Variants in ANXA4 observed in about 807,000 individuals in gnomAD.
The protein encoded by ANXA4 is annexin A4.
Under a neutral mutation model 49.8 loss-of-function variants are expected in ANXA4, and 39 were observed. The ratio of observed to expected loss-of-function variants is 0.78; its 90% confidence interval spans 0.61 to 1.02. The LOEUF is 1.02. Ranked by LOEUF, ANXA4 falls within the 50% of genes least tolerant of loss-of-function variation. The probability of loss-of-function intolerance (pLI) is 0.00; values close to 1 mark genes in which losing one functional copy is unlikely to be tolerated. For missense variants in ANXA4, 360 were observed against 410.1 expected (o/e 0.88, Z 1.05); for synonymous variants, 134 against 152.5 (o/e 0.88, Z 0.89).
chr2:69,774,171 C>T (rs1017602296), intron 1 of ANXA4, among the ~76,000 whole-genome samples: 13 of 152,026 alleles, frequency 8.6e-5, no homozygotes, highest in African/African-American at 1.4e-4. Context: ...AAGACTAGTC[C>T]GTGACTCTCT....
chr2:69,804,390 A>G, intron 3 of ANXA4, 143 bp from the exon 4 acceptor site: 1 of 667,756 alleles, frequency 1.5e-6, no homozygotes, highest in Non-Finnish European at 2.5e-6. Flanking sequence ...TTTCCCAAAA[A>G]GTAGACAAAC....
intron 2 of ANXA4, among the ~76,000 whole-genome samples, chr2:69,782,401 A>C (rs937229344): frequency 6.6e-6 from 1 of 152,190 alleles, no homozygotes; most frequent in Non-Finnish European, 1.5e-5. Flanking sequence ...TTTCTTCATG[A>C]TCTCTGACAG....
intron 8 of ANXA4, 96 bp from the exon 9 acceptor site, chr2:69,816,005 C>T: frequency 1.0e-6 from 1 of 955,420 alleles, no homozygotes; most frequent in Non-Finnish European, 1.6e-6. Context: ...CAAAATAAAA[C>T]TAAGCCAGCT....
At chr2:69,706,728 G>T (rs1261705794) in intron 2 of ANXA4, among the ~76,000 whole-genome samples, 2 of 152,160 alleles carry the variant, frequency 1.3e-5, no homozygotes, top group East Asian at 3.8e-4. Flanking sequence ...ACATTTCATA[G>T]AAATGGAATC....
At chr2:69,715,353 A>G (rs1215178572) in intron 2 of ANXA4, among the ~76,000 whole-genome samples, 2 of 152,132 alleles carry the variant, frequency 1.3e-5, no homozygotes, top group East Asian at 1.9e-4. Flanking sequence ...GATTACAGGT[A>G]CGCACCACCA....
At chr2:69,647,082 G>GC (rs898004091) in intron 1 of ANXA4, among the ~76,000 whole-genome samples, 1 of 152,174 alleles carries the variant, frequency 6.6e-6, no homozygotes, top group Non-Finnish European at 1.5e-5. Context: ...TGCATGTGCT[G>GC]CCCCCCGCTT....
At chr2:69,797,352 C>T (rs1347609558) in intron 3 of ANXA4, among the ~76,000 whole-genome samples, 2 of 152,122 alleles carry the variant, frequency 1.3e-5, no homozygotes, top group East Asian at 1.9e-4. Flanking sequence ...GACCCCCAAG[C>T]GTAATACCAG....
chr2:69,656,316 T>TATATATAC (rs1329804341), intron 2 of ANXA4, among the ~76,000 whole-genome samples: 2 of 96,112 alleles, frequency 2.1e-5, no homozygotes, highest in African/African-American at 6.1e-5. Context: ...TATATATGTA[T>TATATATAC]ATATATGTAT....
intron 3 of ANXA4, among the ~76,000 whole-genome samples, chr2:69,800,481 A>G (rs1358617918): frequency 6.6e-6 from 1 of 152,236 alleles, no homozygotes; most frequent in East Asian, 1.9e-4. Flanking sequence ...CAAATAGTCT[A>G]TGAATACTAG....
chr2:69,818,765 G>A, intron 10 of ANXA4, 71 bp downstream of exon 10: 2 of 926,620 alleles, frequency 2.2e-6, no homozygotes, highest in South Asian at 1.6e-5. Context: ...TTGCAATATG[G>A]GGATATAGAA....
chr2:69,735,127 G>T (rs902502098), intron 3 of ANXA4, among the ~76,000 whole-genome samples: 3 of 152,120 alleles, frequency 2.0e-5, no homozygotes, highest in African/African-American at 7.2e-5. Flanking sequence ...GCTCATTCCT[G>T]CCTGTAGGCC....
intron 8 of ANXA4, among the ~76,000 whole-genome samples, chr2:69,814,502 G>A (rs1673871482): frequency 6.6e-6 from 1 of 151,652 alleles, no homozygotes; most frequent in South Asian, 2.1e-4. Flanking sequence ...GTGCCATCAT[G>A]CCTGGCTAAG....
chr2:69,799,714 G>T lies in ANXA4; in HGVS notation c.98-4819G>T, dbSNP rs556043535. 2.6e-5 allele frequency among the ~76,000 whole-genome samples: 4 copies of T among 152,200 alleles called. No individual in the cohort carries two copies. In the East Asian group the frequency reaches 5.8e-4, roughly 22 times the overall value. ...TTCTATGTGCACCACAAACTACCTGGCCTAGCCTCTGCCCCCAAGACCTTG... is the reference window on the plus strand; with the variant it reads ...TTCTATGTGCACCACAAACTACCTGTCCTAGCCTCTGCCCCCAAGACCTTG... On this transcript the variant is annotated intron_variant, in intron 3 of 12. Transcript: ENST00000394295.
intron 2 of ANXA4, among the ~76,000 whole-genome samples, chr2:69,681,798 A>C (rs919383159): frequency 2.0e-5 from 3 of 150,288 alleles, no homozygotes; most frequent in African/African-American, 7.3e-5. Flanking sequence ...GATCTTTATT[A>C]TTAATTTTAT....
intron 2 of ANXA4, among the ~76,000 whole-genome samples, chr2:69,658,201 C>T (rs1676577748): frequency 6.6e-6 from 1 of 151,472 alleles, no homozygotes; most frequent in South Asian, 2.1e-4. Flanking sequence ...AGTTAGAGAC[C>T]AGCCTGGCCA....
chr2:69,783,092 C>T (rs1211658736), intron 2 of ANXA4, among the ~76,000 whole-genome samples: 1 of 152,164 alleles, frequency 6.6e-6, no homozygotes, highest in East Asian at 1.9e-4. Flanking sequence ...AAGTTATTCA[C>T]TCTGATCTTA....
intron 12 of ANXA4, among the ~76,000 whole-genome samples, chr2:69,823,456 A>G (rs1674332956): frequency 6.6e-6 from 1 of 152,054 alleles, no homozygotes; most frequent in South Asian, 2.1e-4. Flanking sequence ...TATAAAATCC[A>G]ACTTCATGCT....
chr2:69,746,046 C>T (rs1670598439), intron 1 of ANXA4, among the ~76,000 whole-genome samples: 1 of 152,030 alleles, frequency 6.6e-6, no homozygotes, highest in African/African-American at 2.4e-5. Context: ...GAATCTTGCT[C>T]TGTCACCCAG....
At chr2:69,754,001 A>T (rs914314339) in intron 1 of ANXA4, among the ~76,000 whole-genome samples, 3 of 152,250 alleles carry the variant, frequency 2.0e-5, no homozygotes, top group African/African-American at 7.2e-5. Context: ...AGCCTGAATG[A>T]TCTTCATGAC....
Sources: gnomAD v4.1 joint callset for allele counts (sites outside exome capture counted in the v4.1 genomes callset) on GRCh38, gnomAD v4.1.1 for gene constraint, MANE v1.5 for transcripts, NCBI Gene and HGNC (gene_info 2026-07-23, HGNC 2026-07-21) for gene names.